KIAA0930: variants seen among roughly 807,000 people sequenced by gnomAD.
The protein encoded by KIAA0930 is KIAA0930.
Under a neutral mutation model 43.9 loss-of-function variants are expected in KIAA0930, and 24 were observed. The observed-to-expected ratio is 0.55, with a 90% CI of 0.40 to 0.77. KIAA0930 has a LOEUF of 0.77. Ranked by LOEUF, KIAA0930 falls within the 30% of genes least tolerant of loss-of-function variation. The pLI is 0.00. For synonymous variants in KIAA0930, 259 were observed against 216.4 expected (o/e 1.20, Z -1.73); for missense variants, 461 against 574.2 (o/e 0.80, Z 2.02).
chr22:45,203,921 T>C lies in KIAA0930; in HGVS notation c.581A>G (p.Lys194Arg), dbSNP rs923458436. Residue 194 changes from lysine to arginine, a missense_variant, in exon 6 of 10, where the codon AAA becomes AGA. Transcript: ENST00000336156. The stretch of plus-strand genomic sequence containing the variant: ...GATGACCCCCTGGAACGTGTTGGTT[T>C]TGTCACTAGCCACCAGCTCCACACA... ...MVCVELVASD[K>R]TNTFQGVIFQ... is the part of the protein sequence containing the mutation. 5 of 1,613,686 alleles carry C rather than the reference T, an allele frequency of 3.1e-6. No homozygotes were observed. The highest frequency in any genetic ancestry group is 4.2e-6 in the Non-Finnish European group (5 of 1,179,836).
intron 1 of KIAA0930, among the ~76,000 whole-genome samples, chr22:45,232,134 C>T (rs1385466364): frequency 1.3e-5 from 2 of 152,212 alleles, no homozygotes; most frequent in East Asian, 1.9e-4. Context: ...ACCTATCACT[C>T]TGAGGCCTGG....
chr22:45,232,819 GT>G (rs1226462466), intron 1 of KIAA0930, among the ~76,000 whole-genome samples: 1 of 152,176 alleles, frequency 6.6e-6, no homozygotes, highest in East Asian at 1.9e-4. Context: ...TCTCCATGTG[GT>G]GGGGCTGAGC....
chr22:45,240,521 G>T, intron 1 of KIAA0930, 119 bp downstream of exon 1: 2 of 639,286 alleles, frequency 3.1e-6, no homozygotes, highest in South Asian at 1.8e-5. Context: ...CAGACCCAGA[G>T]ACCACGACAC....
intron 1 of KIAA0930, among the ~76,000 whole-genome samples, chr22:45,230,604 C>T (rs1409032420): frequency 3.6e-5 from 5 of 137,988 alleles, no homozygotes; most frequent in South Asian, 2.3e-4. Context: ...TTTTTTGAGA[C>T]GATGTCTTGC....
intron 2 of KIAA0930, among the ~76,000 whole-genome samples, chr22:45,210,164 G>C (rs1473088334): frequency 6.6e-6 from 1 of 152,208 alleles, no homozygotes; most frequent in Non-Finnish European, 1.5e-5. Flanking sequence ...TAGAGCCCTG[G>C]CTTGCAACAG....
intron 2 of KIAA0930, among the ~76,000 whole-genome samples, chr22:45,209,285 T>G (rs1077566): frequency 0.51 from 77,106 of 151,916 alleles, 20,830 homozygotes; most frequent in African/African-American, 0.7. Context: ...ACTCCGCGGG[T>G]CCCCCACCTC....
In KIAA0930 at chr22:45,224,443, C is replaced by T. The variant is rs2083786166; in HGVS notation, c.65-12336G>A. On this transcript the variant is annotated intron_variant, in intron 1 of 9. Transcript: ENST00000336156. Reference sequence around the variant, plus strand: ...GTGCTCAACACTGAGGCCTGACGCTCTTGATCTCACAACAACTGAAGCAGT... The same window carrying T: ...GTGCTCAACACTGAGGCCTGACGCTTTTGATCTCACAACAACTGAAGCAGT... Among the ~76,000 whole-genome samples, 3 of 152,320 alleles carry T rather than the reference C, an allele frequency of 2.0e-5. No homozygotes were observed. The South Asian group carries it at 6.2e-4, about 32-fold the overall frequency.
chr22:45,234,339 G>A (rs1205805737), intron 1 of KIAA0930, among the ~76,000 whole-genome samples: 2 of 125,780 alleles, frequency 1.6e-5, no homozygotes, highest in Admixed American at 1.5e-4. Context: ...AGCCTGAAAC[G>A]CCAGGGGGAG....
chr22:45,198,499 G>A (rs2083557360), intron 8 of KIAA0930, among the ~76,000 whole-genome samples: 1 of 152,244 alleles, frequency 6.6e-6, no homozygotes, highest in African/African-American at 2.4e-5. Context: ...TGGAGTCCCT[G>A]ACCCAGGCCA....
intron 1 of KIAA0930, among the ~76,000 whole-genome samples, chr22:45,228,790 A>C (rs1601824877): frequency 5.5e-5 from 2 of 36,328 alleles, no homozygotes; most frequent in Non-Finnish European, 4.8e-5. Context: ...CCAACCACCA[A>C]ACACTCACCT....
chr22:45,227,400 C>T (rs374851678), intron 1 of KIAA0930, among the ~76,000 whole-genome samples: 2 of 152,140 alleles, frequency 1.3e-5, no homozygotes, highest in South Asian at 4.1e-4. Flanking sequence ...GGCTCTGCCT[C>T]GTACACTATG....
At chr22:45,239,654 C>A (rs1484609857) in intron 1 of KIAA0930, among the ~76,000 whole-genome samples, 1 of 152,186 alleles carries the variant, frequency 6.6e-6, no homozygotes, top group Non-Finnish European at 1.5e-5. Context: ...GGGGGATGCA[C>A]TTGTTCTCTG....
At chr22:45,226,520 G>A in intron 1 of KIAA0930, 1 of 336,108 alleles carries the variant, frequency 3.0e-6, no homozygotes, top group East Asian at 7.6e-5. Flanking sequence ...CCTACCTCCT[G>A]TGACCACCGC....
In KIAA0930 at chr22:45,195,519, T is replaced by C. The variant is rs1214683186; in HGVS notation, c.*1657A>G. 5 of 152,372 alleles carry C rather than the reference T, an allele frequency of 3.3e-5. No individual in the cohort carries two copies. Among genetic ancestry groups the C allele is most frequent in the African/African-American group, 1.2e-4 (5 of 41,450 alleles). 9.4% of individuals were successfully genotyped at this position (152,372 alleles called of 1,614,324 possible). A position where few individuals can be genotyped will look rare whatever the true frequency, so the allele number is the denominator to read the frequency against. ...TGTCCCCACACTTTGGGGCATGACA[T>C]GACCTGGCTCTGTGCTGCCCTAAGA... On this transcript the variant is annotated 3_prime_UTR_variant, in exon 10 of 10. Transcript: ENST00000336156.
At chr22:45,211,732 G>A (rs1449145046) in intron 2 of KIAA0930, among the ~76,000 whole-genome samples, 1 of 152,208 alleles carries the variant, frequency 6.6e-6, no homozygotes, top group Non-Finnish European at 1.5e-5. Context: ...GCCCTTCAGG[G>A]TCACAGTGAA....
chr22:45,192,742 G>A lies in KIAA0930; in HGVS notation c.*4434C>T, dbSNP rs764765521. 7 of 152,206 alleles carry A rather than the reference G, an allele frequency of 4.6e-5. No individual in the cohort carries two copies. Among genetic ancestry groups the A allele is most frequent in the Non-Finnish European group, 7.3e-5 (5 of 68,046 alleles). 9.4% of individuals were successfully genotyped at this position (152,206 alleles called of 1,614,324 possible). On this transcript the variant is annotated 3_prime_UTR_variant, in exon 10 of 10. Coordinates refer to ENST00000336156, the MANE Select transcript of KIAA0930 (RefSeq NM_001009880.2). ...TAAAAACGCCTACTCGCCTTAGGCA[G>A]GATAAGAAGTTGTAAACTCACCCAT...
chr22:45,234,995 G>T (rs1169346773), intron 1 of KIAA0930, among the ~76,000 whole-genome samples: 1 of 91,130 alleles, frequency 1.1e-5, no homozygotes, highest in East Asian at 4.4e-4. Flanking sequence ...TAATGTGCAT[G>T]TGACTTTTTT....
intron 1 of KIAA0930, among the ~76,000 whole-genome samples, chr22:45,217,879 A>G (rs566889956): frequency 3.1e-4 from 47 of 152,178 alleles, no homozygotes; most frequent in Non-Finnish European, 2.9e-4. Context: ...CTGCTTCTGT[A>G]AGTCACTCTC....
Position 45,223,057 on chromosome 22 carries a change from G to T in KIAA0930, c.65-10950C>A, listed in dbSNP as rs556327587. Among the ~76,000 whole-genome samples, 28 of 152,278 alleles carry T rather than the reference G, an allele frequency of 1.8e-4. No individual in the cohort carries two copies. In the East Asian group the frequency reaches 5.4e-3, roughly 29 times the overall value. On this transcript the variant is annotated intron_variant, in intron 1 of 9. Coordinates refer to ENST00000336156, the MANE Select transcript of KIAA0930 (RefSeq NM_001009880.2). ...CCTCTGACCCAGCGATCCCACAGAT[G>T]AATTTTTCCCTGTGGTCTCACTACC...
Sources: gnomAD v4.1 joint callset for allele counts (sites outside exome capture counted in the v4.1 genomes callset) on GRCh38, gnomAD v4.1.1 for gene constraint, MANE v1.5 for transcripts, NCBI Gene and HGNC (gene_info 2026-07-23, HGNC 2026-07-21) for gene names.